The following AKAP8L variants were observed in gnomAD, a reference collection of about 807,000 sequenced individuals.
AKAP8L encodes the protein A-kinase anchoring protein 8 like.
AKAP8L carries 34 observed loss-of-function variants against 77.5 expected under a neutral mutation model. That is an observed-to-expected ratio of 0.44 (90% CI 0.33 to 0.58). The LOEUF (loss-of-function observed/expected upper bound fraction) is 0.58, where lower values mean the gene tolerates loss of function less well. Among genes scored for constraint, AKAP8L ranks in the 20% least tolerant of loss-of-function variants. AKAP8L has a pLI of 0.02. For missense variants in AKAP8L, 806 were observed against 887.6 expected (o/e 0.91, Z 1.17); for synonymous variants, 342 against 340.7 (o/e 1.00, Z -0.04).
chr19:15,397,582 T>G lies in AKAP8L; in HGVS notation c.1343A>C (p.Lys448Thr). The change falls in exon 11 of 14, where the codon AAA becomes ACA. Residue 448 changes from lysine (K) to threonine (T), a missense_variant. Around this residue, in one of 2 missense-constraint regions of AKAP8L, gnomAD observed 580 missense variants for 694.1 expected, o/e 0.84. Coordinates refer to ENST00000397410, the MANE Select transcript of AKAP8L (RefSeq NM_014371.4). The surrounding 1 kb of genome is among the most constrained non-coding windows in gnomAD (Gnocchi z 4.7). ...NKTKKTEELRKTVEDLDGLIQ... is the reference protein window; with the variant it reads ...NKTKKTEELRTTVEDLDGLIQ... ...GAGGCCATCAAGGTCCTCCACGGTT[T>G]TTCGGAGCTCCTCTGTCTTCTTGGT... The G allele has an allele frequency of 1.9e-6, 3 of 1,613,934 alleles. No individual in the cohort carries two copies. In the South Asian group the frequency reaches 3.3e-5, roughly 18 times the overall value.
At chr19:15,411,775 G>A (rs1180057818) in intron 1 of AKAP8L, among the ~76,000 whole-genome samples, 4 of 151,976 alleles carry the variant, frequency 2.6e-5, no homozygotes, top group Non-Finnish European at 5.9e-5. Context: ...AATTAGGGCT[G>A]GATGCAGTGG....
At chr19:15,409,948 A>G (rs1599619263) in intron 2 of AKAP8L, among the ~76,000 whole-genome samples, 1 of 148,584 alleles carries the variant, frequency 6.7e-6, no homozygotes, top group Non-Finnish European at 1.5e-5. Context: ...AATCCTTTGG[A>G]CTTTTTTTTT....
At chr19:15,396,213 C>T (rs553212586) in intron 12 of AKAP8L, among the ~76,000 whole-genome samples, 9 of 152,096 alleles carry the variant, frequency 5.9e-5, no homozygotes, top group African/African-American at 1.7e-4. Flanking sequence ...AGAAATGCTG[C>T]TTCCCATGCT....
chr19:15,400,229 T>A, intron 8 of AKAP8L, 66 bp downstream of exon 8: 1 of 1,546,792 alleles, frequency 6.5e-7, no homozygotes, highest in Non-Finnish European at 8.9e-7. Flanking sequence ...TGCCCTCAGC[T>A]GGGTCCCTCC....
At chr19:15,404,845 A>C (rs907275256) in intron 2 of AKAP8L, among the ~76,000 whole-genome samples, 1 of 152,230 alleles carries the variant, frequency 6.6e-6, no homozygotes, top group Non-Finnish European at 1.5e-5. Context: ...CAGCAGGAAG[A>C]GTGTAAGTCA....
chr19:15,383,441 A>C (rs1967461003), intron 12 of AKAP8L: 1 of 152,084 alleles, frequency 6.6e-6, no homozygotes, highest in Non-Finnish European at 1.5e-5. Flanking sequence ...AAGCAATCCC[A>C]CCTAAGCCTC....
intron 8 of AKAP8L, 94 bp downstream of exon 8, chr19:15,400,201 G>T: frequency 7.4e-7 from 1 of 1,349,676 alleles, no homozygotes; most frequent in Non-Finnish European, 1.1e-6. Flanking sequence ...CCAACTGGCC[G>T]CATGTCTGCC....
rs986596433 is a variant in AKAP8L at position 15,399,991 on chromosome 19, GA to G, written c.1048+303del. On this transcript the variant is annotated intron_variant, in intron 8 of 13. Transcript: ENST00000397410. The surrounding 1 kb of genome is among the most constrained non-coding windows in gnomAD (Gnocchi z 6.1). ...GACTTGGAACTGCGCGTTACTGAGG[GA>G]CCGAGGGCAGGGGGCGTGCCTGGGG... 2 of 502,350 alleles carry G rather than the reference GA, an allele frequency of 4.0e-6. No homozygotes were observed. The highest frequency in any genetic ancestry group is 7.1e-6 in the Non-Finnish European group (2 of 279,870). 31.1% of individuals were successfully genotyped at this position (502,350 alleles called of 1,614,324 possible). A position where few individuals can be genotyped will look rare whatever the true frequency, so the allele number is the denominator to read the frequency against.
chr19:15,396,358 C>A (rs1262564355), intron 12 of AKAP8L, among the ~76,000 whole-genome samples: 3 of 152,168 alleles, frequency 2.0e-5, no homozygotes. Context: ...TCACCCCCAC[C>A]TGCAACACAG....
Position 15,398,273 on chromosome 19 carries a change from G to C in AKAP8L, c.1158-418C>G, listed in dbSNP as rs1054086123. ...CCTGAGGTGCAGAGTGGAGTACGCAGTCCCGAGGCAGGGCCCGAAAAGGTG... is the reference window on the plus strand; with the variant it reads ...CCTGAGGTGCAGAGTGGAGTACGCACTCCCGAGGCAGGGCCCGAAAAGGTG... On this transcript the variant is annotated intron_variant, in intron 9 of 13. Coordinates refer to ENST00000397410, the MANE Select transcript of AKAP8L (RefSeq NM_014371.4). The surrounding 1 kb of genome is among the most constrained non-coding windows in gnomAD (Gnocchi z 9.2). 1 of 207,136 alleles carries C rather than the reference G, an allele frequency of 4.8e-6. No individual in the cohort carries two copies. Among genetic ancestry groups the C allele is most frequent in the African/African-American group, 2.3e-5 (1 of 43,774 alleles). The allele number at this position is 207,136 out of a possible 1,614,324, so 12.8% of individuals were successfully genotyped here. A position where few individuals can be genotyped will look rare whatever the true frequency, so the allele number is the denominator to read the frequency against.
rs935232750 is a variant in AKAP8L, at chr19:15,399,422, G to A, written c.1049-12C>T. 2.5e-6 allele frequency: 4 copies of A among 1,603,770 alleles called. No homozygotes were observed. In the South Asian group the frequency reaches 4.4e-5, roughly 18 times the overall value. On this transcript the variant is annotated splice_polypyrimidine_tract_variant and intron_variant, in intron 8 of 13. Coordinates refer to ENST00000397410, the MANE Select transcript of AKAP8L (RefSeq NM_014371.4). The surrounding 1 kb of genome is among the most constrained non-coding windows in gnomAD (Gnocchi z 6.1). ...GGTGGTTAGGGCCCCTGTGGGAGCA[G>A]ATGGGCACTGTCACCAATTTGGCTC...
rs1371208862 is a variant in AKAP8L at position 15,398,047 on chromosome 19, G to A, written c.1158-192C>T. On this transcript the variant is annotated intron_variant, in intron 9 of 13. Transcript: ENST00000397410. This position sits in a 1 kb window ranked among gnomAD's most constrained non-coding sequence, Gnocchi z 9.2. ...AGGGCCAGAAAGTCTGCAGGCTGCAGTTACTGCAACGTAGGGGACAGGGGA... is the reference window on the plus strand; with the variant it reads ...AGGGCCAGAAAGTCTGCAGGCTGCAATTACTGCAACGTAGGGGACAGGGGA... 1.6e-6 allele frequency: 1 copy of A among 642,368 alleles called. No homozygotes were observed. Among genetic ancestry groups the A allele is most frequent in the African/African-American group, 1.8e-5 (1 of 54,588 alleles). The allele number at this position is 642,368 out of a possible 1,614,324, so 39.8% of individuals were successfully genotyped here.
Position 15,415,014 on chromosome 19 carries a change from T to C in AKAP8L, c.13+3897A>G, listed in dbSNP as rs1258249615. 2.6e-5 allele frequency among the ~76,000 whole-genome samples: 4 copies of C among 152,240 alleles called. No individual in the cohort carries two copies. The East Asian group carries it at 7.7e-4, about 29-fold the overall frequency. On this transcript the variant is annotated intron_variant, in intron 1 of 13. Transcript: ENST00000397410. Reference sequence around the variant, plus strand: ...TGTTTTGAGAGACAGGGTCTCACTATGTTACCCATGCTGGTGTTGAATTCC... The same window carrying C: ...TGTTTTGAGAGACAGGGTCTCACTACGTTACCCATGCTGGTGTTGAATTCC...
rs1242531346 is a variant in AKAP8L, at chr19:15,403,254, G to A, written c.362+221C>T. 7.0e-6 allele frequency: 4 copies of A among 570,836 alleles called. No homozygotes were observed. The highest frequency in any genetic ancestry group is 1.9e-5 in the African/African-American group (1 of 53,110). The allele number at this position is 570,836 out of a possible 1,614,324, so 35.4% of individuals were successfully genotyped here. A position where few individuals can be genotyped will look rare whatever the true frequency, so the allele number is the denominator to read the frequency against. On this transcript the variant is annotated intron_variant, in intron 4 of 13. Transcript: ENST00000397410. The surrounding 1 kb of genome is among the most constrained non-coding windows in gnomAD (Gnocchi z 4.3). ...GGGCTTGTTCCTCTCACCGCAAGCTGGGAAAGGCTGACCACCAGGCAGTGC... is the reference window on the plus strand; with the variant it reads ...GGGCTTGTTCCTCTCACCGCAAGCTAGGAAAGGCTGACCACCAGGCAGTGC...
intron 2 of AKAP8L, among the ~76,000 whole-genome samples, chr19:15,408,963 T>C (rs577214779): frequency 2.2e-4 from 33 of 152,178 alleles, no homozygotes; most frequent in African/African-American, 7.7e-4. Context: ...TTATATGCCA[T>C]AGAAGAATAA....
rs372585254 is a variant in AKAP8L at position 15,398,542 on chromosome 19, C to T, written c.1158-687G>A. The T allele has an allele frequency of 8.1e-6, 8 of 982,204 alleles. No homozygotes were observed. The highest frequency in any genetic ancestry group is 2.3e-4 in the East Asian group (2 of 8,786). The allele number at this position is 982,204 out of a possible 1,614,324, so 60.8% of individuals were successfully genotyped here. A position where few individuals can be genotyped will look rare whatever the true frequency, so the allele number is the denominator to read the frequency against. ...GGGCCTGGTGTCCACAGTAGAAGCC[C>T]GGGGTCTGGGGCCTGGGCCGGAGCA... On this transcript the variant is annotated intron_variant, in intron 9 of 13. Transcript: ENST00000397410. This position sits in a 1 kb window ranked among gnomAD's most constrained non-coding sequence, Gnocchi z 9.2.
chr19:15,400,524 A>G (rs1270645974), intron 7 of AKAP8L, 166 bp from the exon 8 acceptor site: 4 of 746,206 alleles, frequency 5.4e-6, no homozygotes, highest in East Asian at 2.7e-5. Flanking sequence ...GTTATTTACA[A>G]TGGCTTTAAA....
Position 15,394,138 on chromosome 19 carries a change from T to C in AKAP8L, c.1536+3012A>G, listed in dbSNP as rs148853136. ...TGCACAATAATGTTTCTAAGAGCAT[T>C]ATTCATAATAGCCAAAAGGTGAAAA... On this transcript the variant is annotated intron_variant, in intron 12 of 13. Transcript: ENST00000397410. 1.1e-4 allele frequency among the ~76,000 whole-genome samples: 17 copies of C among 152,234 alleles called. No individual in the cohort carries two copies. The East Asian group carries it at 3.1e-3, about 28-fold the overall frequency.
intron 1 of AKAP8L, among the ~76,000 whole-genome samples, chr19:15,410,804 T>C (rs1374688770): frequency 6.6e-6 from 1 of 152,184 alleles, no homozygotes; most frequent in Non-Finnish European, 1.5e-5. Flanking sequence ...CCAGGAGGAC[T>C]AGATTAAAAA....
Sources: gnomAD v4.1 joint callset for allele counts (sites outside exome capture counted in the v4.1 genomes callset) on GRCh38, gnomAD v4.1.1 for gene constraint, gnomAD v4.1.1 regional missense constraint, Gnocchi (gnomAD v3.1) non-coding constraint, MANE v1.5 for transcripts, NCBI Gene and HGNC (gene_info 2026-07-23, HGNC 2026-07-21) for gene names.